The following RANBP2 variants were observed in gnomAD, a reference collection of about 807,000 sequenced individuals.
RANBP2 encodes the protein E3 SUMO-protein ligase RanBP2.
Under a neutral mutation model 303.6 loss-of-function variants are expected in RANBP2, and 57 were observed. That is an observed-to-expected ratio of 0.19 (90% CI 0.15 to 0.23). The LOEUF (loss-of-function observed/expected upper bound fraction) is 0.23, where lower values mean the gene tolerates loss of function less well. RANBP2 is among the 10% of genes least tolerant of loss of function. RANBP2 has a pLI of 1.00. For missense variants in RANBP2, 3,138 were observed against 3,780.8 expected, an observed-to-expected ratio of 0.83 and a Z score of 4.46; for synonymous variants, 1,167 against 1,301.5, an observed-to-expected ratio of 0.90 and a Z score of 2.23.
chr2:109,216,619 T>G, the RANBP2 span, among the ~76,000 whole-genome samples: 1 of 152,188 alleles, frequency 6.6e-6, no homozygotes, highest in Non-Finnish European at 1.5e-5. Context: ...CCAGCCATGC[T>G]CTGTAGGCTG....
the RANBP2 span, among the ~76,000 whole-genome samples, chr2:109,303,859 C>T: frequency 2.0e-5 from 3 of 152,162 alleles, no homozygotes; most frequent in African/African-American, 4.8e-5. Flanking sequence ...AGTTGTGCAT[C>T]GCCTCCTGCC....
chr2:108,752,909 T>G (rs1054202548), intron 12 of RANBP2, 89 bp from the exon 13 acceptor site: 2 of 1,606,058 alleles, frequency 1.2e-6, no homozygotes, highest in Middle Eastern at 2.3e-4. Context: ...TGACTTGAAA[T>G]TTTAGCCAGT....
the RANBP2 span, among the ~76,000 whole-genome samples, chr2:109,409,634 G>T: frequency 6.6e-6 from 1 of 152,114 alleles, no homozygotes; most frequent in African/African-American, 2.4e-5. Context: ...TGGGCAGAAG[G>T]CGTGGCTGCT....
At chr2:109,396,895 C>A in the RANBP2 span, among the ~76,000 whole-genome samples, 2 of 152,268 alleles carry the variant, frequency 1.3e-5, no homozygotes, top group Admixed American at 6.5e-5. Context: ...TTCCCACCTT[C>A]GTGGATCTCA....
rs774501332 is a variant in RANBP2 at position 108,763,749 on chromosome 2, G to T, written c.3210G>T (p.Leu1070=). The change falls in exon 20 of 29, where the codon CTG becomes CTT. Residue 1070 remains leucine, a synonymous_variant. Coordinates refer to ENST00000283195, the MANE Select transcript of RANBP2 (RefSeq NM_006267.5). ...YSNSESLLGL[L]TSDKPLQGDG... ...ACAGTGAAAGCCTTTTAGGTCTCCT[G>T]ACTTCAGATAAACCCTTGCAAGGAG... 9.3e-6 allele frequency: 15 copies of T among 1,614,036 alleles called. No homozygotes were observed. In the East Asian group the frequency reaches 3.3e-4, roughly 36 times the overall value.
the RANBP2 span, among the ~76,000 whole-genome samples, chr2:108,879,340 T>C: frequency 2.0e-5 from 3 of 152,334 alleles, no homozygotes; most frequent in South Asian, 6.2e-4. Flanking sequence ...GTTTTACAAG[T>C]GGATTGTTTT....
chr2:108,813,351 T>C, the RANBP2 span, among the ~76,000 whole-genome samples: 4 of 152,034 alleles, frequency 2.6e-5, no homozygotes, highest in Admixed American at 6.6e-5. Flanking sequence ...AACATTCTTT[T>C]TGGAATGTTT....
intron 7 of RANBP2, among the ~76,000 whole-genome samples, chr2:108,743,275 T>C (rs1489989753): frequency 2.6e-5 from 4 of 152,060 alleles, no homozygotes; most frequent in African/African-American, 9.7e-5. Flanking sequence ...TAAAATTTTT[T>C]GATATGTAGT....
At chr2:109,278,046 A>C in the RANBP2 span, among the ~76,000 whole-genome samples, 4 of 149,162 alleles carry the variant, frequency 2.7e-5, no homozygotes, top group Non-Finnish European at 5.9e-5. Flanking sequence ...GCATAGTGTC[A>C]TGCACCTATA....
chr2:108,776,071 A>G, intron 24 of RANBP2, 135 bp downstream of exon 24: 2 of 685,656 alleles, frequency 2.9e-6, no homozygotes, highest in Non-Finnish European at 4.9e-6. Context: ...TCTTAGTAGT[A>G]GTAGTAATAA....
chr2:109,395,063 C>T, the RANBP2 span, among the ~76,000 whole-genome samples: 7 of 152,344 alleles, frequency 4.6e-5, no homozygotes, highest in African/African-American at 1.7e-4. Flanking sequence ...CTAATTGGAG[C>T]TTGTTGTGAA....
At chr2:109,271,619 A>C in the RANBP2 span, among the ~76,000 whole-genome samples, 1 of 152,222 alleles carries the variant, frequency 6.6e-6, no homozygotes, top group Non-Finnish European at 1.5e-5. Flanking sequence ...CAATGGGGTG[A>C]GGCCCCGTGT....
At chr2:109,420,634 A>G in the RANBP2 span, among the ~76,000 whole-genome samples, 1 of 152,042 alleles carries the variant, frequency 6.6e-6, no homozygotes, top group African/African-American at 2.4e-5. Context: ...TTTAGTAGAG[A>G]TGGGGTTTCA....
At chr2:109,294,854 G>A in the RANBP2 span, among the ~76,000 whole-genome samples, 1 of 152,222 alleles carries the variant, frequency 6.6e-6, no homozygotes, top group Non-Finnish European at 1.5e-5. Flanking sequence ...ATCTTGGGGT[G>A]CACAGAGGAG....
chr2:109,442,049 C>T, the RANBP2 span, among the ~76,000 whole-genome samples: 27 of 152,278 alleles, frequency 1.8e-4, 1 homozygote, highest in African/African-American at 5.5e-4. Flanking sequence ...CAGTGGCTCA[C>T]GCCTGTAATC....
the RANBP2 span, among the ~76,000 whole-genome samples, chr2:108,891,320 TAGA>T: frequency 6.6e-6 from 1 of 152,256 alleles, no homozygotes; most frequent in Non-Finnish European, 1.5e-5. Flanking sequence ...ATTTCTTTCA[TAGA>T]AGAAGACTTT....
the RANBP2 span, among the ~76,000 whole-genome samples, chr2:109,136,166 C>A: frequency 6.6e-6 from 1 of 152,012 alleles, no homozygotes; most frequent in African/African-American, 2.4e-5. Context: ...TGTGCATTTC[C>A]GTTTGATCTG....
chr2:108,876,847 C>T, the RANBP2 span, among the ~76,000 whole-genome samples: 1 of 151,964 alleles, frequency 6.6e-6, no homozygotes, highest in Non-Finnish European at 1.5e-5. Context: ...ATTTTTTAAA[C>T]ATTGAAAGGT....
chr2:109,379,667 A>G, the RANBP2 span, among the ~76,000 whole-genome samples: 1 of 152,226 alleles, frequency 6.6e-6, no homozygotes, highest in Non-Finnish European at 1.5e-5. Flanking sequence ...TGCCGCAGCG[A>G]CAGCCTGTGG....
Sources: allele counts gnomAD v4.1 joint callset (sites outside exome capture counted in the v4.1 genomes callset), GRCh38; gene constraint gnomAD v4.1.1; transcripts MANE v1.5; gene names NCBI Gene and HGNC (gene_info 2026-07-23, HGNC 2026-07-21).